Variants in MAP3K10 observed in about 807,000 individuals in gnomAD.
MAP3K10 encodes mitogen-activated protein kinase kinase kinase 10.
A neutral mutation model predicts 75.0 loss-of-function variants in MAP3K10; 22 were observed. That is an observed-to-expected ratio of 0.29 (90% CI 0.21 to 0.42). The LOEUF (loss-of-function observed/expected upper bound fraction) is 0.42, where lower values mean the gene tolerates loss of function less well. Among genes scored for constraint, MAP3K10 ranks in the 10% least tolerant of loss-of-function variants. MAP3K10 has a pLI of 1.00. For missense variants in MAP3K10, 1,165 were observed against 1,379.8 expected (o/e 0.84, Z 2.47); for synonymous variants, 599 against 612.9 (o/e 0.98, Z 0.34).
chr19:40,192,831 G>A lies in MAP3K10; in HGVS notation c.682+118G>A. 2 of 800,160 alleles carry A rather than the reference G, an allele frequency of 2.5e-6. No individual in the cohort carries two copies. The highest frequency in any genetic ancestry group is 3.8e-6 in the Non-Finnish European group (2 of 527,674). The allele number at this position is 800,160 out of a possible 1,614,324, so 49.6% of individuals were successfully genotyped here. ...ACTGTGCCTGGAGTGAGAAGGGGCAGCAGTATGATACCTTCAGGGTGAAGG... is the reference window on the plus strand; with the variant it reads ...ACTGTGCCTGGAGTGAGAAGGGGCAACAGTATGATACCTTCAGGGTGAAGG... On this transcript the variant is annotated intron_variant, in intron 1 of 9. Coordinates refer to ENST00000253055, the MANE Select transcript of MAP3K10 (RefSeq NM_002446.4). This position sits in a 1 kb window ranked among gnomAD's most constrained non-coding sequence, Gnocchi z 7.1.
intron 2 of MAP3K10, among the ~76,000 whole-genome samples, chr19:40,202,609 A>C (rs1431917075): frequency 6.6e-6 from 1 of 152,146 alleles, no homozygotes; most frequent in Non-Finnish European, 1.5e-5. Flanking sequence ...TTAAGATATA[A>C]ATAATATAAA....
chr19:40,211,225 GGGA>G (rs1457487720), intron 6 of MAP3K10, among the ~76,000 whole-genome samples: 1 of 152,032 alleles, frequency 6.6e-6, no homozygotes, highest in Non-Finnish European at 1.5e-5. Context: ...CAGAGTGAAT[GGGA>G]GGAGGACATA....
At chr19:40,211,806 C>T (rs1005809862) in intron 6 of MAP3K10, among the ~76,000 whole-genome samples, 4 of 152,206 alleles carry the variant, frequency 2.6e-5, no homozygotes, top group Non-Finnish European at 4.4e-5. Flanking sequence ...TCACTGCAAC[C>T]TCTGCCTCCC....
At position 40,206,002 on chromosome 19, in the gene MAP3K10, C is replaced by G. The variant is rs1367330471; in HGVS notation, c.1280C>G (p.Ala427Gly). The change falls in exon 5 of 10, where the codon GCA (alanine) becomes GGA (glycine). Residue 427 changes from alanine (A) to glycine (G), a missense_variant. Physicochemically the swap from Ala to Gly is moderately conservative, Grantham distance 60 (BLOSUM62 0). Around this residue, in one of 2 missense-constraint regions of MAP3K10, gnomAD observed 575 missense variants for 793.2 expected, o/e 0.72. Transcript: ENST00000253055. ...CTGCGGCGGCGGGAGCAGGAGCTGG[C>G]AGAACGTGAGATGGACATCGTGGAA... ...EQLRRREQEL[A>G]EREMDIVERE... is the part of the protein sequence containing the mutation. 3 of 1,612,288 alleles carry G rather than the reference C, an allele frequency of 1.9e-6. No individual in the cohort carries two copies. In the African/African-American group the frequency reaches 4.0e-5, roughly 22 times the overall value.
At chr19:40,207,596 G>A (rs549055554) in intron 5 of MAP3K10, among the ~76,000 whole-genome samples, 6 of 152,062 alleles carry the variant, frequency 3.9e-5, no homozygotes, top group African/African-American at 7.2e-5. Context: ...TTAGCCGGGC[G>A]TGGTGGCGCA....
chr19:40,212,102 C>T lies in MAP3K10; in HGVS notation c.1553-703C>T, dbSNP rs1303919771. On this transcript the variant is annotated intron_variant, in intron 6 of 9. Transcript: ENST00000253055. The surrounding 1 kb of genome is among the most constrained non-coding windows in gnomAD (Gnocchi z 4.2). ...CAAGGCACTGAGGGAATCAAATTGA[C>T]CTTTTTCCCTCTGGCTGCTGTAAGA... Among the ~76,000 whole-genome samples the T allele has an allele frequency of 1.3e-5, 2 of 152,282 alleles. No homozygotes were observed. The highest frequency in any genetic ancestry group is 3.9e-4 in the East Asian group (2 of 5,182).
rs765532189 is a variant in MAP3K10, at chr19:40,215,194, G to A, written c.2767G>A (p.Gly923Arg). ...PSRPDTPESP[G>R]PPSVQPTLLD... ...CAGGCCAGACACTCCGGAGAGCCCT[G>A]GGCCCCCCAGCGTGCAGCCCACACT... Residue 923 changes from glycine (G) to arginine (R), a missense_variant, in exon 10 of 10, where the codon GGG becomes AGG. By Grantham distance (125) the Gly-to-Arg change is moderately radical (BLOSUM62 -2). Coordinates refer to ENST00000253055, the MANE Select transcript of MAP3K10 (RefSeq NM_002446.4). 5 of 1,587,856 alleles carry A rather than the reference G, an allele frequency of 3.1e-6. No homozygotes were observed. The Middle Eastern group carries it at 6.6e-4, about 211-fold the overall frequency.
chr19:40,213,317 T>C lies in MAP3K10; in HGVS notation c.1837+129T>C. ...AAGGCCTTCCTGGGAAGGGAGATGG[T>C]GGCCCCTGGGGCGTGGGGGGTCATT... On this transcript the variant is annotated intron_variant, in intron 8 of 9. Transcript: ENST00000253055. This position sits in a 1 kb window ranked among gnomAD's most constrained non-coding sequence, Gnocchi z 5.7. The C allele has an allele frequency of 6.9e-7, 1 of 1,449,564 alleles. No individual in the cohort carries two copies. The highest frequency in any genetic ancestry group is 9.0e-7 in the Non-Finnish European group (1 of 1,105,400). The allele number at this position is 1,449,564 out of a possible 1,614,324, so 89.8% of individuals were successfully genotyped here.
intron 1 of MAP3K10, among the ~76,000 whole-genome samples, chr19:40,195,434 G>GGC (rs1432365809): frequency 9.5e-5 from 14 of 146,772 alleles, no homozygotes; most frequent in Non-Finnish European, 2.1e-4. Context: ...TTACAGTGGG[G>GGC]GCTTCCAGGA....
chr19:40,197,516 A>G (rs1568487485), intron 1 of MAP3K10, among the ~76,000 whole-genome samples: 1 of 151,832 alleles, frequency 6.6e-6, no homozygotes, highest in Non-Finnish European at 1.5e-5. Context: ...AGTAGAGATG[A>G]GGTTTCACCA....
chr19:40,198,311 C>T lies in MAP3K10; in HGVS notation c.683-64C>T. 1.3e-6 allele frequency: 2 copies of T among 1,491,786 alleles called. No individual in the cohort carries two copies. Among genetic ancestry groups the T allele is most frequent in the Non-Finnish European group, 9.1e-7 (1 of 1,096,402 alleles). 92.4% of individuals were successfully genotyped at this position (1,491,786 alleles called of 1,614,324 possible). On this transcript the variant is annotated intron_variant, in intron 1 of 9. Coordinates refer to ENST00000253055, the MANE Select transcript of MAP3K10 (RefSeq NM_002446.4). The surrounding 1 kb of genome is among the most constrained non-coding windows in gnomAD (Gnocchi z 4.3). ...ACGTGTTTCTAGCTGAGGCAGCGGG[C>T]CAGAACACTTGGGTCTGCGGCGTGG...
At position 40,191,913 on chromosome 19, in the gene MAP3K10, C is replaced by T. The variant is rs1035644051; in HGVS notation, c.-119C>T. On this transcript the variant is annotated 5_prime_UTR_variant, in exon 1 of 10. Coordinates refer to ENST00000253055, the MANE Select transcript of MAP3K10 (RefSeq NM_002446.4). ...TGCGGAGGGCGCCCCAGCCATGGCC[C>T]TCAGGAGCTCCCTAGACCCCGCAGG... The T allele has an allele frequency of 3.0e-5, 18 of 590,414 alleles. No individual in the cohort carries two copies. The highest frequency in any genetic ancestry group is 4.6e-5 in the Non-Finnish European group (17 of 369,638). The allele number at this position is 590,414 out of a possible 1,614,324, so 36.6% of individuals were successfully genotyped here. A position where few individuals can be genotyped will look rare whatever the true frequency, so the allele number is the denominator to read the frequency against.
intron 1 of MAP3K10, among the ~76,000 whole-genome samples, chr19:40,195,712 CTTGAACTCCTG>C (rs1406420919): frequency 6.6e-6 from 1 of 151,980 alleles, no homozygotes; most frequent in Non-Finnish European, 1.5e-5. Flanking sequence ...CCAGGCTGGT[CTTGAACTCCTG>C]ACCTCAGGTG....
At position 40,205,068 on chromosome 19, in the gene MAP3K10, A is replaced by G; in HGVS notation, c.1013-53A>G. 1 of 1,546,786 alleles carries G rather than the reference A, an allele frequency of 6.5e-7. No homozygotes were observed. The stretch of plus-strand genomic sequence containing the variant: ...TCTGAGCAGGCTGAGTCCCCAGAGC[A>G]TGACCACTGACACCTCCATGCCCCA... On this transcript the variant is annotated intron_variant, in intron 3 of 9. Transcript: ENST00000253055. The surrounding 1 kb of genome is among the most constrained non-coding windows in gnomAD (Gnocchi z 4.3).
At position 40,214,009 on chromosome 19, in the gene MAP3K10, C is replaced by CCA; in HGVS notation, c.2330_2331insCA (p.Pro778AsnfsTer45). The CCA allele has an allele frequency of 6.8e-7, 1 of 1,480,560 alleles. No homozygotes were observed. 91.7% of individuals were successfully genotyped at this position (1,480,560 alleles called of 1,614,324 possible). On this transcript the variant is annotated frameshift_variant, in exon 9 of 10. Transcript: ENST00000253055. LOFTEE classifies it high-confidence loss of function. ...GCCGCACCGGCCGCGCCCTCCCCACCACCCTCCCCGCCCGCGCCCACACCC... is the reference window on the plus strand; with the variant it reads ...GCCGCACCGGCCGCGCCCTCCCCACCCAACCCTCCCCGCCCGCGCCCACACCC...
chr19:40,197,263 C>T (rs1413505611), intron 1 of MAP3K10, among the ~76,000 whole-genome samples: 1 of 152,174 alleles, frequency 6.6e-6, no homozygotes, highest in African/African-American at 2.4e-5. Flanking sequence ...CCCTGTCATT[C>T]TTAGCCAAAG....
chr19:40,214,993 C>T lies in MAP3K10; in HGVS notation c.2566C>T (p.Pro856Ser). The T allele has an allele frequency of 6.3e-7, 1 of 1,583,458 alleles. No individual in the cohort carries two copies. Among genetic ancestry groups the T allele is most frequent in the Non-Finnish European group, 8.6e-7 (1 of 1,160,382 alleles). ...AGGCCCTCGTGACCTTCTGGACTTC[C>T]CCCGCCTGCCCGACCCCCAGGCCCT... ...GPGPRDLLDFPRLPDPQALFP... is the reference protein window; with the variant it reads ...GPGPRDLLDFSRLPDPQALFP... The change falls in exon 10 of 10, where the codon CCC (proline) becomes TCC (serine). Residue 856 changes from proline (P) to serine (S), a missense_variant. By Grantham distance (74) the Pro-to-Ser change is moderately conservative (BLOSUM62 -1). Transcript: ENST00000253055.
Position 40,214,169 on chromosome 19 carries a change from G to A in MAP3K10, c.2490G>A (p.Ser830=), listed in dbSNP as rs1381786837. ...GCCGCGGGCACCGGCGGACGCCATC[G>A]GACGGGGCGCTGGGGCAGCGGGGGC... ...AVSRGHRRTP[S]DGALGQRGPP... is the part of the protein sequence containing the mutation. The change falls in exon 9 of 10, where the codon TCG becomes TCA. Residue 830 remains serine (S), a synonymous_variant. Transcript: ENST00000253055. 3.3e-6 allele frequency: 5 copies of A among 1,514,182 alleles called. No individual in the cohort carries two copies. Among genetic ancestry groups the A allele is most frequent in the Middle Eastern group, 1.9e-4 (1 of 5,336 alleles). The allele number at this position is 1,514,182 out of a possible 1,614,324, so 93.8% of individuals were successfully genotyped here. A position where few individuals can be genotyped will look rare whatever the true frequency, so the allele number is the denominator to read the frequency against.
chr19:40,207,428 G>T (rs765492522), intron 5 of MAP3K10, among the ~76,000 whole-genome samples: 1 of 152,056 alleles, frequency 6.6e-6, no homozygotes. Context: ...AGAAATAAGA[G>T]ATGTCAATTT....
Sources: gnomAD v4.1 joint callset for allele counts (sites outside exome capture counted in the v4.1 genomes callset) on GRCh38, gnomAD v4.1.1 for gene constraint, gnomAD v4.1.1 regional missense constraint, Gnocchi (gnomAD v3.1) non-coding constraint, MANE v1.5 for transcripts, NCBI Gene and HGNC (gene_info 2026-07-23, HGNC 2026-07-21) for gene names.